The following KRABD5 variants were observed in gnomAD, a reference collection of about 807,000 sequenced individuals.
KRABD5 encodes KRAB domain containing 5.
the KRABD5 span, chr16:31,758,876 A>G: frequency 6.6e-6 from 1 of 152,106 alleles, no homozygotes; most frequent in Non-Finnish European, 1.5e-5. Flanking sequence ...ACTTGTGACT[A>G]TTTGAAACAA....
chr16:31,723,210 A>G, the KRABD5 span: 6 of 1,579,666 alleles, frequency 3.8e-6, no homozygotes, highest in East Asian at 6.8e-5. Context: ...TGAGCTGGCA[A>G]TTAAAGAACT....
the KRABD5 span, among the ~76,000 whole-genome samples, chr16:31,747,306 A>G: frequency 6.6e-6 from 1 of 152,104 alleles, no homozygotes; most frequent in African/African-American, 2.4e-5. Context: ...ATGTCCCTAC[A>G]AAGGACATGA....
chr16:31,723,231 G>C, the KRABD5 span: 1 of 1,605,358 alleles, frequency 6.2e-7, no homozygotes, highest in Non-Finnish European at 8.5e-7. Context: ...CCCAGCAAGA[G>C]TCATGTGACT....
the KRABD5 span, among the ~76,000 whole-genome samples, chr16:31,720,445 A>G: frequency 6.6e-6 from 1 of 152,202 alleles, no homozygotes; most frequent in African/African-American, 2.4e-5. Flanking sequence ...CAGAATACCA[A>G]ATGATGTGTA....
At chr16:31,716,986 AGTCAGTCTTT>A in the KRABD5 span, among the ~76,000 whole-genome samples, 1 of 141,452 alleles carries the variant, frequency 7.1e-6, no homozygotes, top group African/African-American at 2.6e-5. Flanking sequence ...GTCTTTTGTC[AGTCAGTCTTT>A]GTTTTTTTTT....
At chr16:31,758,237 A>G in the KRABD5 span, 2 of 152,240 alleles carry the variant, frequency 1.3e-5, no homozygotes, top group African/African-American at 4.8e-5. Flanking sequence ...AGCTCCAACA[A>G]TATGAGCAAT....
At chr16:31,751,599 G>A in the KRABD5 span, among the ~76,000 whole-genome samples, 2 of 152,140 alleles carry the variant, frequency 1.3e-5, no homozygotes, top group African/African-American at 4.8e-5. Context: ...TTGTATACCT[G>A]TGGGATCGAT....
chr16:31,759,464 G>A, the KRABD5 span: 3 of 1,493,186 alleles, frequency 2.0e-6, no homozygotes, highest in Non-Finnish European at 2.7e-6. Flanking sequence ...GCTTCGAAAA[G>A]GGGTGAAGTT....
At chr16:31,753,417 T>G in the KRABD5 span, among the ~76,000 whole-genome samples, 1 of 152,166 alleles carries the variant, frequency 6.6e-6, no homozygotes, top group Admixed American at 6.5e-5. Flanking sequence ...AACCCAGAAC[T>G]TTGGACATAT....
chr16:31,718,835 A>C, the KRABD5 span, among the ~76,000 whole-genome samples: 2 of 152,212 alleles, frequency 1.3e-5, no homozygotes, highest in African/African-American at 4.8e-5. Context: ...AGCACCTTGG[A>C]GTCCTTGGGA....
the KRABD5 span, chr16:31,723,277 G>C: frequency 6.2e-7 from 1 of 1,613,754 alleles, no homozygotes; most frequent in East Asian, 2.2e-5. Context: ...TCTCTAAGCC[G>C]GACCTGATCA....
the KRABD5 span, among the ~76,000 whole-genome samples, chr16:31,717,670 T>C: frequency 2.0e-5 from 3 of 152,198 alleles, no homozygotes; most frequent in Non-Finnish European, 4.4e-5. Context: ...TCTGGTCTCA[T>C]TGTGTCATAG....
At chr16:31,721,608 T>C in the KRABD5 span, among the ~76,000 whole-genome samples, 1 of 152,174 alleles carries the variant, frequency 6.6e-6, no homozygotes, top group Non-Finnish European at 1.5e-5. Flanking sequence ...GTATTATTTC[T>C]CATATAGATT....
At chr16:31,735,632 C>T in the KRABD5 span, among the ~76,000 whole-genome samples, 1 of 152,038 alleles carries the variant, frequency 6.6e-6, no homozygotes, top group Admixed American at 6.6e-5. Context: ...GTGGTGGTAT[C>T]TCATTGTGGT....
chr16:31,744,189 C>G, the KRABD5 span, among the ~76,000 whole-genome samples: 1 of 152,126 alleles, frequency 6.6e-6, no homozygotes, highest in African/African-American at 2.4e-5. Flanking sequence ...AAATGGCATT[C>G]TTGTCTTGTA....
the KRABD5 span, among the ~76,000 whole-genome samples, chr16:31,735,104 CTTTCTTTCTTTT>C: frequency 1.3e-5 from 2 of 150,424 alleles, no homozygotes; most frequent in African/African-American, 2.5e-5. Context: ...CTTTCTCTCT[CTTTCTTTCTTTT>C]TTTCTTTCTT....
the KRABD5 span, chr16:31,713,339 C>G: frequency 3.9e-6 from 6 of 1,535,872 alleles, no homozygotes; most frequent in Non-Finnish European, 5.3e-6. Flanking sequence ...GGCGGCTTCG[C>G]GTTCTGAGAA....
chr16:31,736,722 G>T, the KRABD5 span, among the ~76,000 whole-genome samples: 1 of 152,022 alleles, frequency 6.6e-6, no homozygotes, highest in South Asian at 2.1e-4. Context: ...GTTTCACCAT[G>T]TTGACCAGGC....
chr16:31,719,562 G>A, the KRABD5 span, among the ~76,000 whole-genome samples: 3 of 152,174 alleles, frequency 2.0e-5, no homozygotes, highest in East Asian at 1.9e-4. Context: ...GGCCTGACCC[G>A]TGTCCCTAGC....
Sources: gnomAD v4.1 joint callset for allele counts (sites outside exome capture counted in the v4.1 genomes callset) on GRCh38, gnomAD v4.1.1 for gene constraint, MANE v1.5 for transcripts, NCBI Gene and HGNC (gene_info 2026-07-23, HGNC 2026-07-21) for gene names.